EPB42: variants seen among roughly 807,000 people sequenced by gnomAD.
EPB42 encodes the protein erythrocyte membrane protein band 4.2.
Under a neutral mutation model 76.9 loss-of-function variants are expected in EPB42, and 49 were observed. The observed-to-expected ratio is 0.64, with a 90% CI of 0.51 to 0.81. The LOEUF is 0.81. EPB42 is among the 30% of genes least tolerant of loss of function. The pLI is 0.00. For synonymous variants in EPB42, 310 were observed against 338.4 expected (o/e 0.92, Z 0.92); for missense variants, 731 against 867.6 (o/e 0.84, Z 1.98).
At chr15:43,210,277 T>C in intron 5 of EPB42, 58 bp downstream of exon 5, 1 of 1,498,946 alleles carries the variant, frequency 6.7e-7, no homozygotes, top group Non-Finnish European at 9.3e-7. Context: ...GGGGCAGGTC[T>C]CTCAGAGGGC....
chr15:43,203,123 C>T lies in EPB42; in HGVS notation c.1771G>A (p.Ala591Thr). ...EDIAICRPHLAIKMPEKAEQY... is the reference protein window; with the variant it reads ...EDIAICRPHLTIKMPEKAEQY... ...GGAGGACTGGTGCCTACCTTGATGG[C>T]AAGGTGTGGTCTACAAATGGCAATG... The change falls in exon 11 of 13, where the codon GCC becomes ACC. Residue 591 changes from alanine (A) to threonine (T), a missense_variant. Ala to Thr is a moderately conservative substitution (Grantham distance 58). Coordinates refer to ENST00000441366, the MANE Select transcript of EPB42 (RefSeq NM_001114134.2). 1.9e-6 allele frequency: 3 copies of T among 1,613,930 alleles called. No homozygotes were observed. The highest frequency in any genetic ancestry group is 2.5e-6 in the Non-Finnish European group (3 of 1,179,996).
intron 6 of EPB42, 60 bp downstream of exon 6, chr15:43,209,214 A>G (rs1043188472): frequency 1.3e-6 from 2 of 1,596,056 alleles, no homozygotes; most frequent in Non-Finnish European, 8.6e-7. Flanking sequence ...TCCTTCCCAC[A>G]TGGGAGGCCA....
Position 43,206,239 on chromosome 15 carries a change from CA to C in EPB42, c.1618+90del. 7.3e-7 allele frequency: 1 copy of C among 1,372,836 alleles called. No individual in the cohort carries two copies. Among genetic ancestry groups the C allele is most frequent in the Non-Finnish European group, 9.9e-7 (1 of 1,015,214 alleles). The allele number at this position is 1,372,836 out of a possible 1,614,324, so 85.0% of individuals were successfully genotyped here. On this transcript the variant is annotated intron_variant, in intron 10 of 12. Transcript: ENST00000441366. The surrounding 1 kb of genome is among the most constrained non-coding windows in gnomAD (Gnocchi z 4.7). Reference sequence around the variant, plus strand: ...GGCTCAAAGCCATCTCTAGAGACTGCAGGGGGTGCCCTGTGGCTGCTGCCTG... The same window carrying C: ...GGCTCAAAGCCATCTCTAGAGACTGCGGGGGTGCCCTGTGGCTGCTGCCTG...
chr15:43,208,705 A>G lies in EPB42; in HGVS notation c.903T>C (p.Arg301=), dbSNP rs1307924592. Residue 301 remains arginine (R), a synonymous_variant, in exon 7 of 13, where the codon CGT becomes CGC. Transcript: ENST00000441366. ...TFASAQGTGG[R]LLIDEYYNEE... is the part of the protein sequence containing the mutation. ...CATTATAGTATTCATCTATGAGAAG[A>G]CGCCCACCGGTGCCCTGTGCTGAGG... 6.2e-7 allele frequency: 1 copy of G among 1,613,846 alleles called. No homozygotes were observed. Among genetic ancestry groups the G allele is most frequent in the African/African-American group, 1.3e-5 (1 of 74,844 alleles).
chr15:43,218,327 C>A (rs2042408760), intron 1 of EPB42, among the ~76,000 whole-genome samples: 2 of 152,150 alleles, frequency 1.3e-5, no homozygotes, highest in Non-Finnish European at 2.9e-5. Flanking sequence ...GCAAGAGTCA[C>A]TAGAATTCAT....
At chr15:43,220,562 C>A (rs1249186466) in intron 1 of EPB42, among the ~76,000 whole-genome samples, 1 of 152,000 alleles carries the variant, frequency 6.6e-6, no homozygotes, top group African/African-American at 2.4e-5. Flanking sequence ...ATCACCATCA[C>A]CTCCGCCTCC....
chr15:43,201,918 G>A lies in EPB42; in HGVS notation c.1839C>T (p.Ser613=). ...PLTASVSLQN[S]LDAPMEDCVI... ...CACAGTCCTCCATGGGGGCATCTAG[G>A]GAGTTCTGGAGGCTGACTGAGGCTG... The change falls in exon 12 of 13, where the codon TCC becomes TCT. Residue 613 remains serine, a synonymous_variant. Coordinates refer to ENST00000441366, the MANE Select transcript of EPB42 (RefSeq NM_001114134.2). 6.2e-7 allele frequency: 1 copy of A among 1,614,164 alleles called. No homozygotes were observed. Among genetic ancestry groups the A allele is most frequent in the Non-Finnish European group, 8.5e-7 (1 of 1,180,014 alleles).
chr15:43,208,083 C>G (rs548051903), intron 8 of EPB42, 147 bp downstream of exon 8: 185 of 720,888 alleles, frequency 2.6e-4, no homozygotes, highest in Non-Finnish European at 4.1e-4. Flanking sequence ...ATCAGGTCAG[C>G]TTTCTGCTGG....
At chr15:43,222,327 T>A (rs1037125893), upstream of EPB42, among the ~76,000 whole-genome samples, 24 of 152,162 alleles carry the variant, frequency 1.6e-4, no homozygotes, top group Admixed American at 3.3e-4. Context: ...AGTCAGAAAC[T>A]GTAATTAAAG....
chr15:43,205,905 G>A (rs1400049246), intron 10 of EPB42: 4 of 168,320 alleles, frequency 2.4e-5, no homozygotes, highest in Admixed American at 2.3e-4. Flanking sequence ...TCAGGGATGA[G>A]CAGGGCCCTT....
At position 43,208,312 on chromosome 15, in the gene EPB42, C is replaced by T. The variant is rs368549543; in HGVS notation, c.993G>A (p.Glu331=). ...GCAAGGCAGGCCGCGTCATCCAGCA[C>T]TCTGTGGAAGTCTGGAAGATCCTGA... is the stretch of plus-strand genomic sequence containing the variant. ...GRIWIFQTST[E]CWMTRPALPQ... Residue 331 remains glutamate (E), a synonymous_variant, in exon 8 of 13, where the codon GAG becomes GAA. Coordinates refer to ENST00000441366, the MANE Select transcript of EPB42 (RefSeq NM_001114134.2). The T allele has an allele frequency of 1.9e-6, 3 of 1,614,016 alleles. No individual in the cohort carries two copies. The highest frequency in any genetic ancestry group is 2.7e-5 in the African/African-American group (2 of 74,922).
intron 1 of EPB42, among the ~76,000 whole-genome samples, chr15:43,219,089 C>T (rs1156348888): frequency 6.6e-6 from 1 of 152,112 alleles, no homozygotes; most frequent in Non-Finnish European, 1.5e-5. Flanking sequence ...GGGGAAAGGG[C>T]GTACTGAGTT....
At chr15:43,208,144 G>T in intron 8 of EPB42, 86 bp downstream of exon 8, 1 of 1,201,694 alleles carries the variant, frequency 8.3e-7, no homozygotes, top group East Asian at 2.4e-5. Flanking sequence ...AGACCCCCTT[G>T]GGACTGCCTG....
chr15:43,201,468 G>T (rs944428628), intron 12 of EPB42, among the ~76,000 whole-genome samples: 1 of 152,210 alleles, frequency 6.6e-6, no homozygotes, highest in African/African-American at 2.4e-5. Context: ...TGTATATTGT[G>T]GTGGTGACTA....
chr15:43,216,110 T>A (rs1029170754), intron 2 of EPB42, among the ~76,000 whole-genome samples, 158 bp downstream of exon 2: 12 of 152,206 alleles, frequency 7.9e-5, no homozygotes, highest in Non-Finnish European at 7.3e-5. Flanking sequence ...GCACATAATC[T>A]CGTGGCACCC....
intron 4 of EPB42, 134 bp downstream of exon 4, chr15:43,211,282 C>A: frequency 1.3e-6 from 1 of 764,250 alleles, no homozygotes; most frequent in Non-Finnish European, 2.4e-6. Context: ...AGGAGAGGCA[C>A]CACAAAGCTG....
upstream of EPB42, among the ~76,000 whole-genome samples, chr15:43,225,610 CGCGTCTCT>C (rs879354473): frequency 3.3e-5 from 5 of 152,138 alleles, no homozygotes; most frequent in Non-Finnish European, 7.3e-5. Context: ...GCTCTATAGA[CGCGTCTCT>C]GCCACCAAGG....
At chr15:43,209,529 A>C in intron 5 of EPB42, 78 bp from the exon 6 acceptor site, 1 of 1,453,344 alleles carries the variant, frequency 6.9e-7, no homozygotes. Context: ...AGGAGGGCTC[A>C]TCACAGTACT....
chr15:43,208,192 C>A (rs769483176), intron 8 of EPB42, 38 bp downstream of exon 8: 2 of 1,580,610 alleles, frequency 1.3e-6, no homozygotes, highest in Non-Finnish European at 1.7e-6. Context: ...CAGCTCTGTG[C>A]AGCCCTGCGT....
Sources: allele counts gnomAD v4.1 joint callset (sites outside exome capture counted in the v4.1 genomes callset), GRCh38; gene constraint gnomAD v4.1.1; non-coding constraint Gnocchi (gnomAD v3.1); transcripts MANE v1.5; gene names NCBI Gene and HGNC (gene_info 2026-07-23, HGNC 2026-07-21).